GRB14: variants seen among roughly 807,000 people sequenced by gnomAD.
GRB14 encodes the protein growth factor receptor-bound protein 14.
GRB14 carries 38 observed loss-of-function variants against 69.1 expected under a neutral mutation model. The observed-to-expected ratio is 0.55, with a 90% CI of 0.42 to 0.72. The LOEUF (loss-of-function observed/expected upper bound fraction) is 0.72. Ranked by LOEUF, GRB14 falls within the 30% of genes least tolerant of loss-of-function variation. The pLI, the probability that GRB14 is intolerant of heterozygous loss-of-function variation, is 0.00. For synonymous variants in GRB14, 247 were observed against 241.3 expected (o/e 1.02, Z -0.22); for missense variants, 666 against 666.1 (o/e 1.00, Z 0.00).
chr2:164,550,069 T>A (rs1007770495), intron 2 of GRB14, among the ~76,000 whole-genome samples: 10 of 152,158 alleles, frequency 6.6e-5, no homozygotes, highest in Non-Finnish European at 1.5e-4. Flanking sequence ...CAGGTATGAA[T>A]ATTTCAGTAA....
At position 164,552,343 on chromosome 2, in the gene GRB14, A is replaced by G. The variant is rs182780636; in HGVS notation, c.325-4527T>C. Among the ~76,000 whole-genome samples, 103 of 152,346 alleles carry G rather than the reference A, an allele frequency of 6.8e-4. 1 individual carries two copies. The highest frequency in any genetic ancestry group is 1.9e-3 in the African/African-American group (79 of 41,576). On this transcript the variant is annotated intron_variant, in intron 2 of 13. Coordinates refer to ENST00000263915, the MANE Select transcript of GRB14 (RefSeq NM_004490.3). ...GGGTGATACATGACTTAATACAGAT[A>G]TGTGGAGCGAGGGAACTTTGTACCA...
intron 13 of GRB14, 49 bp downstream of exon 13, chr2:164,494,382 G>T: frequency 1.0e-6 from 1 of 957,704 alleles, no homozygotes; most frequent in Non-Finnish European, 1.7e-6. Context: ...AAAAGCTTAT[G>T]CATTAAGGTC....
Position 164,494,415 on chromosome 2 carries a change from A to C in GRB14, c.1476+16T>G. 2 of 1,300,076 alleles carry C rather than the reference A, an allele frequency of 1.5e-6. No individual in the cohort carries two copies. The highest frequency in any genetic ancestry group is 2.2e-6 in the Non-Finnish European group (2 of 893,986). 80.5% of individuals were successfully genotyped at this position (1,300,076 alleles called of 1,614,324 possible). A position where few individuals can be genotyped will look rare whatever the true frequency, so the allele number is the denominator to read the frequency against. ...GTCATTTCTAATACACAAATGTGAA[A>C]TCACGAATTACTTACTGGTATAATT... is the stretch of plus-strand genomic sequence containing the variant. On this transcript the variant is annotated intron_variant, in intron 13 of 13. Coordinates refer to ENST00000263915, the MANE Select transcript of GRB14 (RefSeq NM_004490.3).
intron 2 of GRB14, among the ~76,000 whole-genome samples, chr2:164,605,885 A>G (rs1031508377): frequency 1.3e-5 from 2 of 152,154 alleles, no homozygotes; most frequent in African/African-American, 4.8e-5. Flanking sequence ...TGAGAGTCAC[A>G]AGGAGCCACT....
intron 2 of GRB14, among the ~76,000 whole-genome samples, chr2:164,592,309 T>C (rs1454161279): frequency 6.6e-6 from 1 of 152,130 alleles, no homozygotes; most frequent in Non-Finnish European, 1.5e-5. Context: ...TAATTTTTTG[T>C]ATTTTTAGTA....
intron 2 of GRB14, among the ~76,000 whole-genome samples, chr2:164,563,946 G>A (rs984601096): frequency 4.6e-5 from 7 of 152,054 alleles, no homozygotes; most frequent in African/African-American, 9.7e-5. Context: ...ACCTATGGAC[G>A]GCAATATGAC....
intron 1 of GRB14, 151 bp downstream of exon 1, chr2:164,620,968 G>T: frequency 3.6e-6 from 2 of 559,146 alleles, no homozygotes; most frequent in Non-Finnish European, 5.4e-6. Context: ...CTGCTGATCC[G>T]GTAGGAGCCA....
At chr2:164,608,354 G>C (rs981138680) in intron 2 of GRB14, among the ~76,000 whole-genome samples, 1 of 151,738 alleles carries the variant, frequency 6.6e-6, no homozygotes, top group Non-Finnish European at 1.5e-5. Context: ...CTGGGCAAAA[G>C]AGCGAGACTC....
At chr2:164,574,618 A>T (rs980881688) in intron 2 of GRB14, among the ~76,000 whole-genome samples, 1 of 152,146 alleles carries the variant, frequency 6.6e-6, no homozygotes, top group Non-Finnish European at 1.5e-5. Context: ...GAAAAGAATA[A>T]ATAAAATATA....
At chr2:164,563,391 G>A (rs978492236) in intron 2 of GRB14, among the ~76,000 whole-genome samples, 1 of 152,084 alleles carries the variant, frequency 6.6e-6, no homozygotes, top group Admixed American at 6.6e-5. Flanking sequence ...GGTGAGGAGG[G>A]CAGTGTGCTA....
chr2:164,542,001 G>T (rs968542521), intron 3 of GRB14, among the ~76,000 whole-genome samples: 1 of 152,180 alleles, frequency 6.6e-6, no homozygotes, highest in Non-Finnish European at 1.5e-5. Context: ...CAAAGCTGGA[G>T]GGGTCACATT....
At chr2:164,543,759 T>G (rs761468959) in intron 3 of GRB14, among the ~76,000 whole-genome samples, 4 of 152,194 alleles carry the variant, frequency 2.6e-5, no homozygotes, top group Non-Finnish European at 5.9e-5. Flanking sequence ...CAAATTAAAT[T>G]GAACATTTTA....
intron 6 of GRB14, among the ~76,000 whole-genome samples, chr2:164,513,169 T>A (rs1687383836): frequency 6.6e-6 from 1 of 152,096 alleles, no homozygotes; most frequent in Non-Finnish European, 1.5e-5. Flanking sequence ...AGTCTCTTTT[T>A]CTCTCTTTCA....
intron 2 of GRB14, among the ~76,000 whole-genome samples, chr2:164,566,517 G>A (rs1309360355): frequency 6.6e-6 from 1 of 151,976 alleles, no homozygotes; most frequent in Non-Finnish European, 1.5e-5. Flanking sequence ...AAAATACCAC[G>A]ATAAATCACA....
At chr2:164,603,270 A>C (rs1054699204) in intron 2 of GRB14, among the ~76,000 whole-genome samples, 10 of 152,244 alleles carry the variant, frequency 6.6e-5, no homozygotes, top group Non-Finnish European at 1.3e-4. Flanking sequence ...AAGTGGTGCT[A>C]GTATGAATGG....
intron 2 of GRB14, among the ~76,000 whole-genome samples, chr2:164,611,223 T>A (rs2105359638): frequency 6.6e-6 from 1 of 152,230 alleles, no homozygotes; most frequent in East Asian, 1.9e-4. Flanking sequence ...ACCAGGAAAT[T>A]ACATGCCGCG....
At chr2:164,542,256 G>C (rs1423277156) in intron 3 of GRB14, among the ~76,000 whole-genome samples, 2 of 152,102 alleles carry the variant, frequency 1.3e-5, no homozygotes, top group Non-Finnish European at 2.9e-5. Flanking sequence ...CCCCTACCTT[G>C]CACCACATAC....
chr2:164,498,659 C>T (rs73018287), intron 9 of GRB14, among the ~76,000 whole-genome samples: 4,228 of 152,222 alleles, frequency 0.028, 169 homozygotes, highest in African/African-American at 0.094. Context: ...CTGGGGCCCC[C>T]TGGCTTAAAA....
intron 5 of GRB14, among the ~76,000 whole-genome samples, chr2:164,523,319 T>A (rs572480361): frequency 1.9e-4 from 29 of 152,126 alleles, no homozygotes; most frequent in African/African-American, 6.5e-4. Flanking sequence ...AGTGGGCATG[T>A]GTTGGTCAAG....
Sources: gnomAD v4.1 joint callset for allele counts (sites outside exome capture counted in the v4.1 genomes callset) on GRCh38, gnomAD v4.1.1 for gene constraint, MANE v1.5 for transcripts, NCBI Gene and HGNC (gene_info 2026-07-23, HGNC 2026-07-21) for gene names.